Variants in AP1G1 observed in about 807,000 individuals in gnomAD.
AP1G1 encodes AP-1 complex subunit gamma-1.
A neutral mutation model predicts 108.3 loss-of-function variants in AP1G1; 7 were observed. The ratio of observed to expected loss-of-function variants is 0.06; its 90% confidence interval spans 0.04 to 0.12. The LOEUF is 0.12. Among genes scored for constraint, AP1G1 ranks in the 10% least tolerant of loss-of-function variants. AP1G1 has a pLI of 1.00. For missense variants in AP1G1, 756 were observed against 1,010.7 expected (o/e 0.75, Z 3.42); for synonymous variants, 379 against 353.5 (o/e 1.07, Z -0.81).
chr16:71,804,477 C>T (rs967594416), intron 1 of AP1G1, among the ~76,000 whole-genome samples: 1 of 149,712 alleles, frequency 6.7e-6, no homozygotes, highest in African/African-American at 2.5e-5. Flanking sequence ...GGCGTGATCT[C>T]AGCTCACTGC....
intron 1 of AP1G1, chr16:71,808,226 A>G (rs1403894438): frequency 3.7e-6 from 4 of 1,094,294 alleles, no homozygotes; most frequent in East Asian, 7.3e-5. Context: ...ACACACACGA[A>G]AAATTGGGAA....
At chr16:71,802,084 TACTC>T (rs1567666462) in intron 1 of AP1G1, among the ~76,000 whole-genome samples, 2 of 152,158 alleles carry the variant, frequency 1.3e-5, no homozygotes, top group African/African-American at 2.4e-5. Context: ...AGATAAGAGA[TACTC>T]AATGTGTATT....
At chr16:71,767,976 A>G (rs2031384127) in intron 6 of AP1G1, 1 of 1,400,684 alleles carries the variant, frequency 7.1e-7, no homozygotes, top group East Asian at 2.3e-5. Context: ...CTATATTACA[A>G]TAATTTAATC....
chr16:71,788,368 G>A (rs889046301), intron 2 of AP1G1, among the ~76,000 whole-genome samples: 1 of 151,958 alleles, frequency 6.6e-6, no homozygotes, highest in Non-Finnish European at 1.5e-5. Flanking sequence ...CCTTTTCCAT[G>A]ACTAAATCCC....
chr16:71,800,893 G>A (rs562360125), intron 1 of AP1G1, among the ~76,000 whole-genome samples: 16 of 152,310 alleles, frequency 1.1e-4, no homozygotes, highest in African/African-American at 3.6e-4. Context: ...TACTCGGGAG[G>A]CTGAGGCAGG....
At chr16:71,781,741 A>G (rs531274170) in intron 2 of AP1G1, among the ~76,000 whole-genome samples, 168 of 152,358 alleles carry the variant, frequency 1.1e-3, no homozygotes, top group African/African-American at 3.4e-3. Flanking sequence ...ATCTGAGGAC[A>G]AACAGATTGT....
At chr16:71,806,983 T>A (rs2033017005) in intron 1 of AP1G1, among the ~76,000 whole-genome samples, 2 of 152,252 alleles carry the variant, frequency 1.3e-5, no homozygotes, top group Non-Finnish European at 1.5e-5. Context: ...CAATTCAAGT[T>A]ATAAATTTAA....
intron 11 of AP1G1, chr16:71,758,265 C>G (rs2030902396): frequency 2.8e-6 from 1 of 356,122 alleles, no homozygotes; most frequent in Non-Finnish European, 5.6e-6. Flanking sequence ...AAGAAGACAT[C>G]CAGTAGAATT....
chr16:71,757,930 G>A (rs942933211), intron 11 of AP1G1, among the ~76,000 whole-genome samples: 1 of 152,114 alleles, frequency 6.6e-6, no homozygotes, highest in Admixed American at 6.5e-5. Context: ...TGTTAATTAG[G>A]GATAGAAGTA....
At chr16:71,734,536 A>G (rs2045509864) in intron 22 of AP1G1, 73 bp downstream of exon 22, 1 of 1,293,932 alleles carries the variant, frequency 7.7e-7, no homozygotes, top group South Asian at 1.2e-5. Flanking sequence ...ACCTAAAGAA[A>G]CAAAGCAGAA....
Position 71,733,174 on chromosome 16 carries a change from G to C in AP1G1, c.2368-15C>G, listed in dbSNP as rs2045490308. On this transcript the variant is annotated splice_polypyrimidine_tract_variant and intron_variant, in intron 22 of 22. Coordinates refer to ENST00000299980, the MANE Select transcript of AP1G1 (RefSeq NM_001128.6). ...CGCAGCTGTTGCTATAAGAGGAAAA[G>C]AGAAGTGCAAATTATATACTGAAAT... The C allele has an allele frequency of 6.3e-7, 1 of 1,594,316 alleles. No individual in the cohort carries two copies. The highest frequency in any genetic ancestry group is 8.6e-7 in the Non-Finnish European group (1 of 1,162,420).
At chr16:71,749,270 C>A (rs963274489) in intron 15 of AP1G1, among the ~76,000 whole-genome samples, 1 of 151,798 alleles carries the variant, frequency 6.6e-6, no homozygotes, top group African/African-American at 2.4e-5. Context: ...TTGCTTGAGT[C>A]CAGAAGTTCA....
Position 71,758,884 on chromosome 16 carries a change from T to C in AP1G1, c.1012A>G (p.Thr338Ala). The stretch of plus-strand genomic sequence containing the variant: ...TGCCTCTGTACTGCATTATGATCTG[T>C]CTGTACAGTCTTCAACAAAGATGTC... ...ALTSLLKTVQ[T>A]DHNAVQRHRS... is the part of the protein sequence containing the mutation. The change falls in exon 11 of 23, where the codon ACA (threonine) becomes GCA (alanine). Residue 338 changes from threonine (T) to alanine (A), a missense_variant. Physicochemically the swap from Thr to Ala is moderately conservative, Grantham distance 58 (BLOSUM62 0). Coordinates refer to ENST00000299980, the MANE Select transcript of AP1G1 (RefSeq NM_001128.6). 2 of 1,607,894 alleles carry C rather than the reference T, an allele frequency of 1.2e-6. No individual in the cohort carries two copies. Among genetic ancestry groups the C allele is most frequent in the African/African-American group, 1.3e-5 (1 of 74,766 alleles).
chr16:71,790,032 T>C (rs374035686), intron 1 of AP1G1, among the ~76,000 whole-genome samples: 18 of 151,186 alleles, frequency 1.2e-4, no homozygotes, highest in Admixed American at 9.2e-4. Context: ...ACTTTGAAAA[T>C]GTGATGAGAA....
At position 71,731,407 on chromosome 16, in the gene AP1G1, G is replaced by C. The variant is rs986985285; in HGVS notation, c.*1651C>G. 2.0e-5 allele frequency: 3 copies of C among 152,620 alleles called. No individual in the cohort carries two copies. The highest frequency in any genetic ancestry group is 4.8e-5 in the African/African-American group (2 of 41,450). 9.5% of individuals were successfully genotyped at this position (152,620 alleles called of 1,614,324 possible). On this transcript the variant is annotated 3_prime_UTR_variant, in exon 23 of 23. Transcript: ENST00000299980. ...AAGACACTGAAGATTTTAAGTAAAG[G>C]CTTGGTGAAATGAAGGGGAAAAAAA...
At chr16:71,788,914 C>T (rs761887374) in intron 2 of AP1G1, among the ~76,000 whole-genome samples, 13 of 152,016 alleles carry the variant, frequency 8.6e-5, no homozygotes, top group Non-Finnish European at 1.8e-4. Context: ...ACTTCAGTGT[C>T]CCAAGTAGCT....
rs140023246 is a variant in AP1G1, at chr16:71,729,809, A to G, written c.*3249T>C. ...TTTTCCTCTCTAGTTTTCTCAGTTTAGGACACTGTGGTTAAAATACATTCA... is the reference window on the plus strand; with the variant it reads ...TTTTCCTCTCTAGTTTTCTCAGTTTGGGACACTGTGGTTAAAATACATTCA... On this transcript the variant is annotated 3_prime_UTR_variant, in exon 23 of 23. Transcript: ENST00000299980. The G allele has an allele frequency of 1.3e-4, 20 of 152,786 alleles. No homozygotes were observed. Among genetic ancestry groups the G allele is most frequent in the African/African-American group, 4.3e-4 (18 of 41,580 alleles). The allele number at this position is 152,786 out of a possible 1,614,324, so 9.5% of individuals were successfully genotyped here.
chr16:71,803,995 T>C (rs1410324889), intron 1 of AP1G1, among the ~76,000 whole-genome samples: 1 of 151,756 alleles, frequency 6.6e-6, no homozygotes, highest in Non-Finnish European at 1.5e-5. Flanking sequence ...AAATTTTCTA[T>C]ACAAAAAGGC....
intron 2 of AP1G1, among the ~76,000 whole-genome samples, chr16:71,778,682 TAAA>T (rs11285281): frequency 2.4e-5 from 3 of 127,634 alleles, no homozygotes. Context: ...GATTCTGTCT[TAAA>T]AAAAAAAAAA....
Sources: gnomAD v4.1 joint callset for allele counts (sites outside exome capture counted in the v4.1 genomes callset) on GRCh38, gnomAD v4.1.1 for gene constraint, MANE v1.5 for transcripts, NCBI Gene and HGNC (gene_info 2026-07-23, HGNC 2026-07-21) for gene names.